Variants in PAK3 observed in about 807,000 individuals in gnomAD.
PAK3 encodes serine/threonine-protein kinase PAK 3.
A neutral mutation model predicts 41.0 loss-of-function variants in PAK3; 4 were observed. The ratio of observed to expected loss-of-function variants is 0.10; its 90% CI spans 0.05 to 0.22. The LOEUF is 0.22. Ranked by LOEUF, PAK3 falls within the 10% of genes least tolerant of loss-of-function variation. PAK3 has a pLI of 1.00. For synonymous variants in PAK3, 146 were observed against 139.6 expected (o/e 1.05, Z -0.32); for missense variants, 205 against 409.9 (o/e 0.50, Z 4.32).
chrX:110,961,717 G>A (rs189402318), intron 1 of PAK3, among the ~76,000 whole-genome samples: 278 of 112,104 alleles, frequency 2.5e-3, no homozygotes, highest in African/African-American at 8.7e-3. Flanking sequence ...GAAAAAAGGA[G>A]TCTTTAACCA....
chrX:110,951,272 G>A (rs1170934095), intron 1 of PAK3, among the ~76,000 whole-genome samples: 2 of 111,875 alleles, frequency 1.8e-5, no homozygotes, highest in African/African-American at 3.2e-5. Context: ...GCAGTTTATC[G>A]TTTGTCTTTT....
intron 11 of PAK3, among the ~76,000 whole-genome samples, chrX:111,183,473 C>T (rs1240258554): frequency 9.0e-6 from 1 of 111,590 alleles, no homozygotes; most frequent in Admixed American, 9.5e-5. Flanking sequence ...CTTATTCCTA[C>T]CAGATTCTTC....
chrX:111,028,031 GTA>G (rs1491297842), intron 1 of PAK3, among the ~76,000 whole-genome samples: 8 of 4,232 alleles, frequency 1.9e-3, no homozygotes, highest in African/African-American at 2.4e-3. Context: ...ATATATGTGT[GTA>G]TATATATATA....
chrX:111,120,982 T>A (rs1327643181), intron 4 of PAK3, among the ~76,000 whole-genome samples: 1 of 112,020 alleles, frequency 8.9e-6, no homozygotes, highest in African/African-American at 3.2e-5. Context: ...TTCACTTTAA[T>A]TCTAGAGAAA....
intron 1 of PAK3, among the ~76,000 whole-genome samples, chrX:111,086,359 C>T (rs891881829): frequency 2.7e-5 from 3 of 110,967 alleles, no homozygotes; most frequent in Non-Finnish European, 3.8e-5. Flanking sequence ...CCTCAGTCCC[C>T]ACCCCCAATA....
chrX:110,993,262 T>C (rs1451112225), intron 1 of PAK3, among the ~76,000 whole-genome samples: 2 of 111,998 alleles, frequency 1.8e-5, no homozygotes, highest in Admixed American at 1.9e-4. Context: ...TTTGTTTATT[T>C]GTTTGATGTG....
chrX:111,209,673 C>T (rs2094797918), intron 16 of PAK3, among the ~76,000 whole-genome samples: 1 of 112,155 alleles, frequency 8.9e-6, no homozygotes, highest in South Asian at 3.7e-4. Flanking sequence ...GCTGGGGCCC[C>T]TCATGGTTGC....
chrX:111,034,462 T>A (rs1052977036), intron 1 of PAK3, among the ~76,000 whole-genome samples: 5 of 112,120 alleles, frequency 4.5e-5, no homozygotes, highest in Non-Finnish European at 7.5e-5. Flanking sequence ...AGCTTTTACA[T>A]AAGCTTCTTT....
At chrX:111,032,288 G>T (rs906992567) in intron 1 of PAK3, among the ~76,000 whole-genome samples, 1 of 111,911 alleles carries the variant, frequency 8.9e-6, no homozygotes, top group African/African-American at 3.3e-5. Flanking sequence ...CAAACATTTA[G>T]ATCAATGCTC....
In PAK3 at chrX:111,162,927, G is replaced by A. The variant is rs541818337; in HGVS notation, c.481G>A (p.Ala161Thr). The change falls in exon 9 of 18, where the codon GCA becomes ACA. Residue 161 changes from alanine (A) to threonine (T), a missense_variant. Physicochemically the swap from Ala to Thr is moderately conservative, Grantham distance 58 (BLOSUM62 0). This residue lies in a region of PAK3 where 75 missense variants were observed against 91.9 expected (regional missense o/e 0.82). Coordinates refer to ENST00000372007, the MANE Select transcript of PAK3 (RefSeq NM_002578.5). Reference protein sequence around the residue: ...IAAHPSSTKTASEPPLAPPVS... With the variant: ...IAAHPSSTKTTSEPPLAPPVS... ...TTTTTGTCACAAGAGTACAAAAACA[G>A]CATCTGAGCCTCCATTGGCCCCTCC... 8.3e-7 allele frequency: 1 copy of A among 1,204,578 alleles called. No individual in the cohort carries two copies. Among genetic ancestry groups the A allele is most frequent in the Admixed American group, 2.2e-5 (1 of 45,576 alleles).
At chrX:111,171,462 C>T (rs2094340148) in intron 10 of PAK3, among the ~76,000 whole-genome samples, 1 of 110,894 alleles carries the variant, frequency 9.0e-6, no homozygotes, top group South Asian at 3.8e-4. Context: ...TTTTTCTGGA[C>T]CTATTTGAAC....
intron 16 of PAK3, among the ~76,000 whole-genome samples, chrX:111,204,878 G>GTTTTTTTT (rs1163687252): frequency 8.0e-5 from 3 of 37,671 alleles, no homozygotes; most frequent in Non-Finnish European, 9.9e-5. Context: ...CCTTTGCTTT[G>GTTTTTTTT]TTTTTTTTTT....
chrX:110,950,653 G>A (rs2090723194), intron 1 of PAK3, among the ~76,000 whole-genome samples: 1 of 111,554 alleles, frequency 9.0e-6, no homozygotes, highest in Non-Finnish European at 1.9e-5. Flanking sequence ...TAACTGCATA[G>A]TATTCTATTA....
intron 16 of PAK3, among the ~76,000 whole-genome samples, chrX:111,199,141 A>G (rs144732048): frequency 0.018 from 2,060 of 111,502 alleles, 25 homozygotes; most frequent in Middle Eastern, 0.032. Context: ...TCGTTGGTGT[A>G]TAGAAATGCT....
intron 7 of PAK3, among the ~76,000 whole-genome samples, chrX:111,151,316 A>G (rs2094023608): frequency 8.9e-6 from 1 of 112,653 alleles, no homozygotes; most frequent in Non-Finnish European, 1.9e-5. Context: ...ATTGCTGTTT[A>G]ACACTTAGTT....
intron 3 of PAK3, among the ~76,000 whole-genome samples, chrX:111,102,203 G>A (rs945015214): frequency 9.0e-6 from 1 of 111,626 alleles, no homozygotes; most frequent in African/African-American, 3.3e-5. Context: ...TCCCTTGAGA[G>A]GCTCAAATGA....
chrX:110,962,789 G>C (rs1209163165), intron 1 of PAK3, among the ~76,000 whole-genome samples: 3 of 112,692 alleles, frequency 2.7e-5, no homozygotes, highest in African/African-American at 9.7e-5. Context: ...AGAAATATTT[G>C]AATGCTATTG....
At chrX:111,171,534 T>A (rs1340324281) in intron 10 of PAK3, among the ~76,000 whole-genome samples, 4 of 111,726 alleles carry the variant, frequency 3.6e-5, no homozygotes, top group Admixed American at 1.9e-4. Context: ...CAAGTATTCA[T>A]CCTCTGAGTG....
intron 1 of PAK3, among the ~76,000 whole-genome samples, chrX:111,067,743 G>T (rs2092711925): frequency 9.0e-6 from 1 of 111,091 alleles, no homozygotes; most frequent in African/African-American, 3.3e-5. Context: ...TGATTATAGT[G>T]CATCATTTTA....
Sources: allele counts gnomAD v4.1 joint callset (sites outside exome capture counted in the v4.1 genomes callset), GRCh38; gene constraint gnomAD v4.1.1; regional missense constraint gnomAD v4.1.1; transcripts MANE v1.5; gene names NCBI Gene and HGNC (gene_info 2026-07-23, HGNC 2026-07-21).